SPON1: variants seen among roughly 807,000 people sequenced by gnomAD.
SPON1 encodes spondin-1.
Under a neutral mutation model 111.7 loss-of-function variants are expected in SPON1, and 52 were observed. The ratio of observed to expected loss-of-function variants is 0.47; its 90% CI spans 0.37 to 0.59. The LOEUF is 0.59. Among genes scored for constraint, SPON1 ranks in the 20% least tolerant of loss-of-function variants. The probability of loss-of-function intolerance (pLI) is 0.00; values close to 1 mark genes in which losing one functional copy is unlikely to be tolerated. For synonymous variants in SPON1, 410 were observed against 395.8 expected (o/e 1.04, Z -0.43); for missense variants, 957 against 1,068.5 (o/e 0.90, Z 1.46).
At chr11:14,049,353 C>G (rs781867468) in intron 3 of SPON1, among the ~76,000 whole-genome samples, 2 of 152,206 alleles carry the variant, frequency 1.3e-5, no homozygotes, top group African/African-American at 2.4e-5. Flanking sequence ...TGACTGATCA[C>G]TCTAGTTCCT....
chr11:14,194,377 T>C (rs1554934842), intron 6 of SPON1, among the ~76,000 whole-genome samples: 1 of 152,180 alleles, frequency 6.6e-6, no homozygotes, highest in Non-Finnish European at 1.5e-5. Context: ...CTGAACTTCA[T>C]TAGCAACTCC....
intron 1 of SPON1, among the ~76,000 whole-genome samples, chr11:13,972,549 T>A (rs1554908714): frequency 6.6e-6 from 1 of 152,208 alleles, no homozygotes; most frequent in African/African-American, 2.4e-5. Flanking sequence ...TTGATAAGAA[T>A]ATTGAGCAAC....
chr11:14,121,962 A>G (rs1311778966), intron 5 of SPON1, among the ~76,000 whole-genome samples: 1 of 151,484 alleles, frequency 6.6e-6, no homozygotes, highest in African/African-American at 2.4e-5. Flanking sequence ...GCAAGTCATC[A>G]TTCTTATCTT....
chr11:14,153,080 T>G (rs531665969), intron 6 of SPON1, among the ~76,000 whole-genome samples: 1 of 152,324 alleles, frequency 6.6e-6, no homozygotes, highest in African/African-American at 2.4e-5. Context: ...GGTTTAGAAC[T>G]TTATTATTTT....
At chr11:13,997,735 T>A (rs1848284567) in intron 2 of SPON1, among the ~76,000 whole-genome samples, 1 of 152,202 alleles carries the variant, frequency 6.6e-6, no homozygotes, top group Non-Finnish European at 1.5e-5. Context: ...AGGATTGGGA[T>A]CGCTGTAAAA....
At chr11:14,002,880 A>T (rs1210010494) in intron 2 of SPON1, among the ~76,000 whole-genome samples, 5 of 151,428 alleles carry the variant, frequency 3.3e-5, no homozygotes, top group African/African-American at 1.2e-4. Context: ...TTTTTAAAAA[A>T]CCCCAAAGTC....
intron 3 of SPON1, among the ~76,000 whole-genome samples, chr11:14,059,242 A>G (rs868992974): frequency 1.3e-5 from 2 of 152,316 alleles, no homozygotes; most frequent in Middle Eastern, 6.8e-3. Flanking sequence ...GAGGAGGGAA[A>G]CAAAGGGTCA....
At chr11:14,028,502 G>T (rs535547534) in intron 2 of SPON1, among the ~76,000 whole-genome samples, 2 of 151,948 alleles carry the variant, frequency 1.3e-5, no homozygotes, top group Admixed American at 6.5e-5. Context: ...TTTTAAAAAA[G>T]AATATAGGGT....
chr11:13,973,600 A>G (rs971031165), intron 1 of SPON1, among the ~76,000 whole-genome samples: 3 of 152,246 alleles, frequency 2.0e-5, no homozygotes, highest in Admixed American at 1.3e-4. Flanking sequence ...TTGAATCCTC[A>G]TGACAAATCC....
rs1386240819 is a variant in SPON1 at position 14,259,883 on chromosome 11, C to G, written c.1831+182C>G. ...TAGGTGTGTAGACATCAACCAGACCCAGAGAGAGTAACCTCCACTGGGGGA... is the reference window on the plus strand; with the variant it reads ...TAGGTGTGTAGACATCAACCAGACCGAGAGAGAGTAACCTCCACTGGGGGA... On this transcript the variant is annotated intron_variant, in intron 13 of 15. Coordinates refer to ENST00000576479, the MANE Select transcript of SPON1 (RefSeq NM_006108.4). The surrounding 1 kb of genome is among the most constrained non-coding windows in gnomAD (Gnocchi z 5.0). 2.6e-5 allele frequency among the ~76,000 whole-genome samples: 4 copies of G among 152,210 alleles called. No homozygotes were observed. The highest frequency in any genetic ancestry group is 7.2e-5 in the African/African-American group (3 of 41,438).
intron 6 of SPON1, among the ~76,000 whole-genome samples, chr11:14,151,067 C>T (rs1168957492): frequency 6.6e-6 from 1 of 152,184 alleles, no homozygotes; most frequent in African/African-American, 2.4e-5. Flanking sequence ...AGAGCTGAAT[C>T]CGTGCCACCG....
chr11:14,259,455 G>A lies in SPON1; in HGVS notation c.1663+5G>A. ...GCACGGTCAACGAGGAGTGCTGTGAGTGGGGGCCCCGGGCGGGCAGGCGGG... is the reference window on the plus strand; with the variant it reads ...GCACGGTCAACGAGGAGTGCTGTGAATGGGGGCCCCGGGCGGGCAGGCGGG... On this transcript the variant is annotated splice_donor_5th_base_variant and intron_variant, in intron 12 of 15. Transcript: ENST00000576479. The surrounding 1 kb of genome is among the most constrained non-coding windows in gnomAD (Gnocchi z 5.0). 1 of 1,605,466 alleles carries A rather than the reference G, an allele frequency of 6.2e-7. No individual in the cohort carries two copies. Among genetic ancestry groups the A allele is most frequent in the Non-Finnish European group, 8.5e-7 (1 of 1,176,198 alleles).
At chr11:13,981,024 A>G (rs1332823353) in intron 1 of SPON1, among the ~76,000 whole-genome samples, 12 of 152,216 alleles carry the variant, frequency 7.9e-5, no homozygotes, top group Admixed American at 3.3e-4. Context: ...GGATCTTAGC[A>G]CTTTTATGCA....
chr11:13,982,350 G>A (rs528723502), intron 1 of SPON1, among the ~76,000 whole-genome samples: 36 of 152,278 alleles, frequency 2.4e-4, no homozygotes, highest in African/African-American at 7.9e-4. Flanking sequence ...TGGTTATAAA[G>A]CTGACTTAAC....
rs34480564 is a variant in SPON1, at chr11:14,263,053, T to TAAAA, written c.2260+96_2260+99dup. On this transcript the variant is annotated intron_variant, in intron 15 of 15. Coordinates refer to ENST00000576479, the MANE Select transcript of SPON1 (RefSeq NM_006108.4). ...CACTGGGCTAAGTCTTGGACCTGTTTAAAAAAAAAAAAAAAAAAAAAGTCG... is the reference window on the plus strand; with the variant it reads ...CACTGGGCTAAGTCTTGGACCTGTTTAAAAAAAAAAAAAAAAAAAAAAAAAGTCG... 6.7e-5 allele frequency: 64 copies of TAAAA among 952,338 alleles called. 1 individual carries two copies. The highest frequency in any genetic ancestry group is 1.7e-4 in the South Asian group (8 of 47,910). 59.0% of individuals were successfully genotyped at this position (952,338 alleles called of 1,614,324 possible). A position where few individuals can be genotyped will look rare whatever the true frequency, so the allele number is the denominator to read the frequency against.
At chr11:14,065,763 G>A (rs1848827946) in intron 3 of SPON1, among the ~76,000 whole-genome samples, 1 of 152,196 alleles carries the variant, frequency 6.6e-6, no homozygotes, top group African/African-American at 2.4e-5. Flanking sequence ...GCAGATGAAA[G>A]CTATGAATTC....
intron 6 of SPON1, among the ~76,000 whole-genome samples, chr11:14,158,302 T>C (rs1404450625): frequency 6.6e-6 from 1 of 152,146 alleles, no homozygotes; most frequent in Non-Finnish European, 1.5e-5. Flanking sequence ...CCTTATGGTT[T>C]CCAATTTCCA....
intron 6 of SPON1, among the ~76,000 whole-genome samples, chr11:14,222,437 A>G (rs1307989942): frequency 2.6e-5 from 4 of 152,238 alleles, no homozygotes; most frequent in African/African-American, 9.6e-5. Flanking sequence ...TTGAGAACAT[A>G]TTTAAAACTA....
chr11:14,085,974 T>A (rs1264267239), intron 5 of SPON1, among the ~76,000 whole-genome samples: 2 of 152,148 alleles, frequency 1.3e-5, no homozygotes, highest in African/African-American at 4.8e-5. Context: ...TATAGGAATG[T>A]TTGTGATTTT....
Sources: gnomAD v4.1 joint callset for allele counts (sites outside exome capture counted in the v4.1 genomes callset) on GRCh38, gnomAD v4.1.1 for gene constraint, Gnocchi (gnomAD v3.1) non-coding constraint, MANE v1.5 for transcripts, NCBI Gene and HGNC (gene_info 2026-07-23, HGNC 2026-07-21) for gene names.